Variants in CACNA1A observed in about 807,000 individuals in gnomAD.
CACNA1A encodes the protein calcium voltage-gated channel subunit alpha1 A.
A neutral mutation model predicts 262.4 loss-of-function variants in CACNA1A; 57 were observed. That is an observed-to-expected ratio of 0.22 (90% CI 0.18 to 0.27). CACNA1A has a LOEUF of 0.27. CACNA1A is among the 10% of genes least tolerant of loss of function. CACNA1A has a pLI of 1.00. For synonymous variants in CACNA1A, 1,431 were observed against 1,419.3 expected (o/e 1.01, Z -0.18); for missense variants, 2,526 against 3,562.8 (o/e 0.71, Z 7.41).
chr19:13,420,484 G>C (rs1395934072), intron 3 of CACNA1A, among the ~76,000 whole-genome samples: 3 of 152,052 alleles, frequency 2.0e-5, no homozygotes, highest in Non-Finnish European at 2.9e-5. Context: ...CTTCTAAGAA[G>C]AGGAAAGGAC....
At chr19:13,481,365 A>T (rs1213849988) in intron 1 of CACNA1A, among the ~76,000 whole-genome samples, 1 of 152,178 alleles carries the variant, frequency 6.6e-6, no homozygotes, top group Non-Finnish European at 1.5e-5. Context: ...ATTGTCCTAG[A>T]CCTGGGAGTG....
intron 16 of CACNA1A, 42 bp downstream of exon 16, chr19:13,303,725 G>C: frequency 4.5e-6 from 7 of 1,570,550 alleles, no homozygotes; most frequent in Non-Finnish European, 5.3e-6. Flanking sequence ...TCCTCTGCCA[G>C]AGGTCCAGGC....
chr19:13,336,441 A>C (rs1438509025), intron 6 of CACNA1A, among the ~76,000 whole-genome samples: 1 of 152,052 alleles, frequency 6.6e-6, no homozygotes, highest in East Asian at 1.9e-4. Flanking sequence ...CAGAAGTTTC[A>C]GCTCAATTTT....
intron 31 of CACNA1A, 136 bp from the exon 32 acceptor site, chr19:13,235,866 G>C (rs1226454255): frequency 6.5e-6 from 4 of 617,572 alleles, no homozygotes; most frequent in Non-Finnish European, 8.7e-6. Context: ...GAGGGAGAGA[G>C]AAAGCACTAT....
intron 46 of CACNA1A, among the ~76,000 whole-genome samples, chr19:13,208,416 A>G (rs1458144514): frequency 6.6e-6 from 1 of 152,102 alleles, no homozygotes. Flanking sequence ...ATCATAATTG[A>G]AACAAAAACA....
At chr19:13,235,141 C>A in intron 33 of CACNA1A, 68 bp downstream of exon 33, 1 of 1,564,148 alleles carries the variant, frequency 6.4e-7, no homozygotes, top group Non-Finnish European at 8.8e-7. Flanking sequence ...GCTCCTCTGA[C>A]CCACCCCTTT....
chr19:13,369,715 G>C (rs557020330), intron 4 of CACNA1A, among the ~76,000 whole-genome samples: 2 of 152,342 alleles, frequency 1.3e-5, no homozygotes, highest in South Asian at 2.1e-4. Context: ...TGTTGCCCAG[G>C]CTGGTGTTGA....
At chr19:13,373,989 G>A (rs944686485) in intron 3 of CACNA1A, among the ~76,000 whole-genome samples, 1 of 152,206 alleles carries the variant, frequency 6.6e-6, no homozygotes, top group African/African-American at 2.4e-5. Flanking sequence ...AGCAGGTCGT[G>A]TTAACTAGTC....
intron 40 of CACNA1A, among the ~76,000 whole-genome samples, chr19:13,213,440 C>T (rs540560811): frequency 6.6e-6 from 1 of 152,266 alleles, no homozygotes; most frequent in South Asian, 2.1e-4. Flanking sequence ...TCCACTTTCC[C>T]CCACGACACT....
At chr19:13,358,658 G>A (rs919565151) in intron 6 of CACNA1A, among the ~76,000 whole-genome samples, 1 of 152,190 alleles carries the variant, frequency 6.6e-6, no homozygotes. Context: ...GGAAGAGGAA[G>A]TAGCATGCAA....
At chr19:13,294,940 C>T (rs995454509) in intron 19 of CACNA1A, among the ~76,000 whole-genome samples, 8 of 152,218 alleles carry the variant, frequency 5.3e-5, no homozygotes, top group African/African-American at 1.7e-4. Flanking sequence ...GTCACTTTCT[C>T]GTCACTAGTC....
chr19:13,248,964 A>G (rs567756672), intron 30 of CACNA1A, among the ~76,000 whole-genome samples: 1 of 152,202 alleles, frequency 6.6e-6, no homozygotes. Flanking sequence ...AAATTTCCCT[A>G]AGTGCTTCTT....
intron 4 of CACNA1A, among the ~76,000 whole-genome samples, chr19:13,370,257 C>T (rs145189758): frequency 3.9e-5 from 6 of 151,998 alleles, no homozygotes; most frequent in South Asian, 2.1e-4. Context: ...CCCGCCACCA[C>T]GCCCGGCTAA....
At chr19:13,224,510 A>AAAACCCC (rs1470095613) in intron 38 of CACNA1A, among the ~76,000 whole-genome samples, 157 bp downstream of exon 38, 2 of 151,024 alleles carry the variant, frequency 1.3e-5, no homozygotes, top group African/African-American at 4.9e-5. Context: ...AAAAAACACC[A>AAAACCCC]AAACCCCAAA....
chr19:13,281,283 T>C (rs1459366971), intron 22 of CACNA1A, among the ~76,000 whole-genome samples: 1 of 141,640 alleles, frequency 7.1e-6, no homozygotes, highest in Non-Finnish European at 1.5e-5. Context: ...GGGGCTGAGG[T>C]GGGAGGATCA....
intron 1 of CACNA1A, among the ~76,000 whole-genome samples, chr19:13,490,601 C>CA (rs1444468691): frequency 7.5e-6 from 1 of 133,146 alleles, no homozygotes; most frequent in African/African-American, 2.9e-5. Context: ...GACTCCATCT[C>CA]AAAAAACAAA....
intron 36 of CACNA1A, among the ~76,000 whole-genome samples, chr19:13,228,062 C>T (rs995374953): frequency 4.0e-5 from 6 of 151,832 alleles, no homozygotes; most frequent in South Asian, 4.2e-4. Context: ...TACAGGCATG[C>T]GCCACAATGC....
At chr19:13,234,774 G>C (rs1369859766) in intron 34 of CACNA1A, 147 bp downstream of exon 34, 1 of 621,696 alleles carries the variant, frequency 1.6e-6, no homozygotes, top group East Asian at 2.8e-5. Context: ...CGGAAAAGAA[G>C]GGTGAGGGCG....
At chr19:13,346,033 T>C (rs994439629) in intron 6 of CACNA1A, among the ~76,000 whole-genome samples, 1 of 151,726 alleles carries the variant, frequency 6.6e-6, no homozygotes, top group Non-Finnish European at 1.5e-5. Context: ...CCCAAGTAGC[T>C]GAGAGTACAC....
Sources: allele counts gnomAD v4.1 joint callset (sites outside exome capture counted in the v4.1 genomes callset), GRCh38; gene constraint gnomAD v4.1.1; transcripts MANE v1.5; gene names NCBI Gene and HGNC (gene_info 2026-07-23, HGNC 2026-07-21).